Variants in PCSK5 observed in about 807,000 individuals in gnomAD.
The protein encoded by PCSK5 is prohormone convertase 5.
Under a neutral mutation model 233.2 loss-of-function variants are expected in PCSK5, and 129 were observed. That is an observed-to-expected ratio of 0.55 (90% confidence interval 0.48 to 0.64). The LOEUF (loss-of-function observed/expected upper bound fraction) is 0.64, where lower values mean the gene tolerates loss of function less well. Ranked by LOEUF, PCSK5 falls within the 30% of genes least tolerant of loss-of-function variation. The probability of loss-of-function intolerance (pLI) is 0.00; values close to 1 mark genes in which losing one functional copy is unlikely to be tolerated. For synonymous variants in PCSK5, 825 were observed against 879.2 expected, an observed-to-expected ratio of 0.94 and a Z score of 1.09; for missense variants, 2,076 against 2,430.1, an observed-to-expected ratio of 0.85 and a Z score of 3.06.
rs144122362 is a variant in PCSK5 at position 75,931,923 on chromosome 9, T to C, written c.193-456T>C. Among the ~76,000 whole-genome samples, 35 of 152,370 alleles carry C rather than the reference T, an allele frequency of 2.3e-4. 2 individuals carry two copies. In the East Asian group the frequency reaches 6.7e-3, roughly 29 times the overall value. Reference sequence around the variant, plus strand: ...GTTATCTTTGTGAATGATCAATTGCTTAAGACATATTTCAAATTAACTGTA... The same window carrying C: ...GTTATCTTTGTGAATGATCAATTGCCTAAGACATATTTCAAATTAACTGTA... On this transcript the variant is annotated intron_variant, in intron 1 of 37. Coordinates refer to ENST00000674117, the MANE Select transcript of PCSK5 (RefSeq NM_001372043.1).
chr9:76,188,866 A>AACTT (rs1214139639), intron 18 of PCSK5, among the ~76,000 whole-genome samples, 191 bp downstream of exon 18: 9 of 152,234 alleles, frequency 5.9e-5, no homozygotes, highest in Non-Finnish European at 1.2e-4. Flanking sequence ...CTCATTGAGA[A>AACTT]ACTTACATAG....
At chr9:75,967,840 C>T (rs1393110059) in intron 2 of PCSK5, among the ~76,000 whole-genome samples, 8 of 151,356 alleles carry the variant, frequency 5.3e-5, no homozygotes, top group African/African-American at 1.9e-4. Flanking sequence ...CGGCTCACCA[C>T]AACCTCCGCC....
chr9:76,078,804 G>A (rs936704585), intron 7 of PCSK5, among the ~76,000 whole-genome samples: 9 of 152,084 alleles, frequency 5.9e-5, no homozygotes, highest in East Asian at 3.9e-4. Context: ...TTGGCCATTC[G>A]GACTCTTTTT....
chr9:76,033,864 A>C (rs904229305), intron 5 of PCSK5, among the ~76,000 whole-genome samples: 1 of 152,090 alleles, frequency 6.6e-6, no homozygotes, highest in Admixed American at 6.6e-5. Flanking sequence ...TTCACAACCT[A>C]GTCACCACCG....
chr9:75,913,481 A>T (rs2131237020), intron 1 of PCSK5, among the ~76,000 whole-genome samples: 1 of 152,328 alleles, frequency 6.6e-6, no homozygotes, highest in East Asian at 1.9e-4. Flanking sequence ...CCCCATCCAC[A>T]CAACAAATCT....
chr9:76,056,087 T>G (rs116438219), intron 5 of PCSK5, among the ~76,000 whole-genome samples: 1,798 of 152,242 alleles, frequency 0.012, 38 homozygotes, highest in South Asian at 0.075. Flanking sequence ...ACCCTAGGTG[T>G]CAGAAGGGAA....
At chr9:76,110,036 C>T (rs1425627377) in intron 9 of PCSK5, among the ~76,000 whole-genome samples, 1 of 152,192 alleles carries the variant, frequency 6.6e-6, no homozygotes, top group Non-Finnish European at 1.5e-5. Context: ...CAGCCCCACC[C>T]CTTGCAATCT....
chr9:76,221,135 T>G (rs1268916669), intron 20 of PCSK5, among the ~76,000 whole-genome samples: 1 of 152,212 alleles, frequency 6.6e-6, no homozygotes, highest in Non-Finnish European at 1.5e-5. Flanking sequence ...ACTTGATACA[T>G]GGAATTGCCT....
intron 10 of PCSK5, among the ~76,000 whole-genome samples, chr9:76,151,075 C>T (rs556940316): frequency 4.0e-5 from 6 of 151,026 alleles, no homozygotes; most frequent in African/African-American, 9.7e-5. Context: ...CTTGGGAAAG[C>T]GTCCCAGGTC....
chr9:75,932,277 T>C (rs894300852), intron 1 of PCSK5, 102 bp from the exon 2 acceptor site: 1 of 706,136 alleles, frequency 1.4e-6, no homozygotes, highest in African/African-American at 1.8e-5. Flanking sequence ...TGGACCTTTT[T>C]TGTTTTGTGT....
At chr9:76,217,150 A>T (rs1437141139) in intron 20 of PCSK5, among the ~76,000 whole-genome samples, 2 of 152,214 alleles carry the variant, frequency 1.3e-5, no homozygotes, top group African/African-American at 2.4e-5. Context: ...TGCACTTCTA[A>T]ATCAACCACA....
At chr9:76,297,897 G>A (rs190030116) in intron 27 of PCSK5, among the ~76,000 whole-genome samples, 101 of 152,248 alleles carry the variant, frequency 6.6e-4, no homozygotes, top group Middle Eastern at 3.4e-3. Flanking sequence ...GTGACTTCAA[G>A]GAAGAGCAGC....
intron 5 of PCSK5, among the ~76,000 whole-genome samples, chr9:76,040,561 A>G (rs1829075057): frequency 1.3e-5 from 2 of 152,182 alleles, no homozygotes; most frequent in South Asian, 4.1e-4. Context: ...ACAGCAAAGA[A>G]CCAGAGATTA....
chr9:76,265,735 T>C (rs995135371), intron 24 of PCSK5, among the ~76,000 whole-genome samples: 3 of 152,146 alleles, frequency 2.0e-5, no homozygotes, highest in South Asian at 2.1e-4. Context: ...CAAGTATCCA[T>C]CTTAATTTCA....
intron 1 of PCSK5, among the ~76,000 whole-genome samples, chr9:75,913,108 G>C (rs1822821827): frequency 1.3e-5 from 2 of 152,164 alleles, no homozygotes; most frequent in African/African-American, 2.4e-5. Flanking sequence ...GGTTTGGGTG[G>C]GTTCTTAAAT....
At chr9:76,010,991 A>C (rs752523265) in intron 3 of PCSK5, among the ~76,000 whole-genome samples, 1 of 152,176 alleles carries the variant, frequency 6.6e-6, no homozygotes, top group Non-Finnish European at 1.5e-5. Context: ...ATACATGAAG[A>C]TGTGTCACTG....
chr9:75,917,398 G>A (rs1197013196), intron 1 of PCSK5, among the ~76,000 whole-genome samples: 2 of 152,188 alleles, frequency 1.3e-5, no homozygotes, highest in African/African-American at 2.4e-5. Flanking sequence ...TGTGTATGAA[G>A]GTGAGAGGTA....
At chr9:76,340,014 G>A (rs138401982) in intron 35 of PCSK5, among the ~76,000 whole-genome samples, 1 of 152,088 alleles carries the variant, frequency 6.6e-6, no homozygotes, top group East Asian at 1.9e-4. Context: ...AATGCTGTAG[G>A]GAACTCTCAA....
rs547802677 is a variant in PCSK5, at chr9:76,058,099, T to C, written c.633-9856T>C. 3.2e-4 allele frequency among the ~76,000 whole-genome samples: 48 copies of C among 152,264 alleles called. No homozygotes were observed. The South Asian group carries it at 5.4e-3, about 17-fold the overall frequency. On this transcript the variant is annotated intron_variant, in intron 5 of 37. Coordinates refer to ENST00000674117, the MANE Select transcript of PCSK5 (RefSeq NM_001372043.1). ...TCTGTGCTCAAGTGATCCTCCCACATTGGCCCCAAAAAACTGCAAGGATTA... is the reference window on the plus strand; with the variant it reads ...TCTGTGCTCAAGTGATCCTCCCACACTGGCCCCAAAAAACTGCAAGGATTA...
Sources: gnomAD v4.1 joint callset for allele counts (sites outside exome capture counted in the v4.1 genomes callset) on GRCh38, gnomAD v4.1.1 for gene constraint, MANE v1.5 for transcripts, NCBI Gene and HGNC (gene_info 2026-07-23, HGNC 2026-07-21) for gene names.